Variants in DDHD2 observed in about 807,000 individuals in gnomAD.
DDHD2 encodes the protein DDHD domain containing 2.
In DDHD2, 62 loss-of-function variants were observed where a neutral mutation model predicts 91.2. The ratio of observed to expected loss-of-function variants is 0.68; its 90% confidence interval spans 0.55 to 0.84. The LOEUF is 0.84. DDHD2 is among the 40% of genes least tolerant of loss of function. The pLI is 0.00. For missense variants in DDHD2, 740 were observed against 846.9 expected (o/e 0.87, Z 1.57); for synonymous variants, 271 against 293.9 (o/e 0.92, Z 0.80).
chr8:38,238,430 A>G (rs138259625), intron 5 of DDHD2: 172 of 1,281,992 alleles, frequency 1.3e-4, no homozygotes, highest in Admixed American at 1.8e-4. Context: ...AAATTTGGCA[A>G]TACTATCCAG....
intron 1 of DDHD2, chr8:38,268,702 G>A: frequency 7.0e-7 from 1 of 1,432,512 alleles, no homozygotes; most frequent in Non-Finnish European, 9.1e-7. Flanking sequence ...AAAGAGGCTC[G>A]GACACCCTCC....
At chr8:38,268,358 GGCTA>G (rs1474086309) in intron 1 of DDHD2, 2 of 1,558,350 alleles carry the variant, frequency 1.3e-6, no homozygotes, top group Non-Finnish European at 8.7e-7. Context: ...GGCCCGAAAG[GGCTA>G]GCGCTCACCC....
rs539108352 is a variant in DDHD2, at chr8:38,262,804, G to C, written c.*2231G>C. The C allele has an allele frequency of 6.6e-6, 1 of 152,010 alleles. No individual in the cohort carries two copies. Among genetic ancestry groups the C allele is most frequent in the Non-Finnish European group, 1.5e-5 (1 of 67,988 alleles). 9.4% of individuals were successfully genotyped at this position (152,010 alleles called of 1,614,324 possible). ...GGCCTACTTTTACCTGGACTCACCC[G>C]TCTCAAAGTCAAGAAAATCAGTACA... On this transcript the variant is annotated 3_prime_UTR_variant, in exon 18 of 18. Coordinates refer to ENST00000397166, the MANE Select transcript of DDHD2 (RefSeq NM_015214.3).
At chr8:38,234,854 A>C (rs1348776976) in intron 3 of DDHD2, among the ~76,000 whole-genome samples, 1 of 147,978 alleles carries the variant, frequency 6.8e-6, no homozygotes, top group Non-Finnish European at 1.5e-5. Flanking sequence ...TGCAACCTCC[A>C]CCTCCCCGGT....
intron 1 of DDHD2, among the ~76,000 whole-genome samples, chr8:38,232,471 C>T (rs555283074): frequency 5.1e-4 from 78 of 152,354 alleles, no homozygotes; most frequent in Non-Finnish European, 9.8e-4. Flanking sequence ...ACCCATTAAG[C>T]GACTTCAAGG....
intron 16 of DDHD2, among the ~76,000 whole-genome samples, chr8:38,257,875 G>A (rs1458161760): frequency 2.0e-5 from 3 of 151,564 alleles, no homozygotes; most frequent in African/African-American, 7.3e-5. Flanking sequence ...TGTTGGTCAG[G>A]CTGGTCTCAA....
At chr8:38,253,949 G>A (rs991219312) in intron 16 of DDHD2, among the ~76,000 whole-genome samples, 2 of 151,894 alleles carry the variant, frequency 1.3e-5, no homozygotes, top group Admixed American at 6.6e-5. Flanking sequence ...GGTGGTATGC[G>A]CTTATAGTCC....
chr8:38,266,700 A>G (rs183449206), downstream of DDHD2, among the ~76,000 whole-genome samples: 300 of 152,280 alleles, frequency 2.0e-3, no homozygotes, highest in African/African-American at 6.4e-3. Flanking sequence ...ACACCCGGCC[A>G]TGAGGGTGTT....
intron 1 of DDHD2, chr8:38,269,984 C>T (rs943381069): frequency 2.0e-5 from 3 of 152,200 alleles, no homozygotes; most frequent in East Asian, 1.9e-4. Context: ...TACAGGTTAA[C>T]CAAGCTTTAC....
rs1208805797 is a variant in DDHD2, at chr8:38,251,977, C to T, written c.1410C>T (p.Cys470=). 6.2e-7 allele frequency: 1 copy of T among 1,614,132 alleles called. No homozygotes were observed. Among genetic ancestry groups the T allele is most frequent in the Admixed American group, 1.7e-5 (1 of 60,014 alleles). The change falls in exon 12 of 18, where the codon TGC becomes TGT. Residue 470 remains cysteine, a synonymous_variant. Transcript: ENST00000397166. ...ACATCCCCAAAGAATCTGAGTTCTGCAGTAGCAGTAATACTAGAAATGGTG... is the reference window on the plus strand; with the variant it reads ...ACATCCCCAAAGAATCTGAGTTCTGTAGTAGCAGTAATACTAGAAATGGTG... ...GANIPKESEF[C]SSSNTRNGDY... is the part of the protein sequence containing the mutation.
Position 38,240,383 on chromosome 8 carries a change from T to G in DDHD2, c.712+19T>G. 1 of 1,543,640 alleles carries G rather than the reference T, an allele frequency of 6.5e-7. No individual in the cohort carries two copies. Among genetic ancestry groups the G allele is most frequent in the South Asian group, 1.2e-5 (1 of 86,834 alleles). On this transcript the variant is annotated intron_variant, in intron 6 of 17. Transcript: ENST00000397166. ...CAGTGTGGTAGGTTTGCAAAGCATG[T>G]GAGAGAATATTAATCAGTGCTCTTG...
intron 1 of DDHD2, chr8:38,268,429 G>T: frequency 6.3e-7 from 1 of 1,577,258 alleles, no homozygotes; most frequent in Non-Finnish European, 8.6e-7. Flanking sequence ...TGGCCAGGAA[G>T]ATCAGAGACA....
At chr8:38,236,810 G>A (rs1349125527) in intron 3 of DDHD2, among the ~76,000 whole-genome samples, 2 of 151,572 alleles carry the variant, frequency 1.3e-5, no homozygotes, top group Non-Finnish European at 2.9e-5. Context: ...GTGAGCCACC[G>A]CGCCCGGCTC....
chr8:38,268,000 AG>A, intron 1 of DDHD2: 2 of 1,613,896 alleles, frequency 1.2e-6, no homozygotes, highest in Non-Finnish European at 1.7e-6. Flanking sequence ...TCTGTCTAGG[AG>A]GAAAGGTATG....
chr8:38,264,898 CAAAGG>C, downstream of DDHD2: 2 of 1,612,692 alleles, frequency 1.2e-6, no homozygotes, highest in Non-Finnish European at 1.7e-6. Flanking sequence ...AGAAGAGTAA[CAAAGG>C]TCCACTTATT....
chr8:38,252,039 C>T lies in DDHD2; in HGVS notation c.1461+11C>T, dbSNP rs746894250. On this transcript the variant is annotated intron_variant, in intron 12 of 17. Transcript: ENST00000397166. ...GTTGGCATTGGGCAGGTAACTAATT[C>T]TCTTTGATCATTTTACAGCCTGCTA... The T allele has an allele frequency of 1.2e-6, 2 of 1,612,436 alleles. No homozygotes were observed. The highest frequency in any genetic ancestry group is 3.3e-5 in the Admixed American group (2 of 59,996).
At chr8:38,259,331 C>T (rs1313671296) in intron 16 of DDHD2, among the ~76,000 whole-genome samples, 1 of 151,876 alleles carries the variant, frequency 6.6e-6, no homozygotes, top group East Asian at 1.9e-4. Context: ...AGCGATTCTC[C>T]TGCCTCAGCC....
chr8:38,248,351 G>A (rs1462090571), intron 10 of DDHD2, among the ~76,000 whole-genome samples: 1 of 150,464 alleles, frequency 6.6e-6, no homozygotes, highest in African/African-American at 2.4e-5. Flanking sequence ...GTGAGCCACC[G>A]TGCCCAGCCA....
At position 38,252,174 on chromosome 8, in the gene DDHD2, T is replaced by C. The variant is rs1423325300; in HGVS notation, c.1504T>C (p.Phe502Leu). The C allele has an allele frequency of 1.2e-6, 2 of 1,614,068 alleles. No individual in the cohort carries two copies. Among genetic ancestry groups the C allele is most frequent in the Non-Finnish European group, 1.7e-6 (2 of 1,180,044 alleles). The change falls in exon 13 of 18, where the codon TTC (phenylalanine) becomes CTC (leucine). Residue 502 changes from phenylalanine to leucine, a missense_variant. Physicochemically the swap from Phe to Leu is conservative, Grantham distance 22. Coordinates refer to ENST00000397166, the MANE Select transcript of DDHD2 (RefSeq NM_015214.3). ...YPRLIYKPEI[F>L]FAFGSPIGMF... ...CCGGCTCATCTATAAACCAGAGATA[T>C]TCTTTGCCTTTGGATCTCCCATTGG...
Sources: allele counts gnomAD v4.1 joint callset (sites outside exome capture counted in the v4.1 genomes callset), GRCh38; gene constraint gnomAD v4.1.1; transcripts MANE v1.5; gene names NCBI Gene and HGNC (gene_info 2026-07-23, HGNC 2026-07-21).